Variants in TGM5 observed in about 807,000 individuals in gnomAD.
TGM5 encodes the protein transglutaminase 5.
A neutral mutation model predicts 77.2 loss-of-function variants in TGM5; 69 were observed. The ratio of observed to expected loss-of-function variants is 0.89; its 90% confidence interval spans 0.74 to 1.09. The LOEUF (loss-of-function observed/expected upper bound fraction) is 1.09, where lower values mean the gene tolerates loss of function less well. Among genes scored for constraint, TGM5 ranks in the 50% least tolerant of loss-of-function variants. The pLI is 0.00. For synonymous variants in TGM5, 346 were observed against 351.8 expected (o/e 0.98, Z 0.18); for missense variants, 842 against 896.5 (o/e 0.94, Z 0.78).
In TGM5 at chr15:43,232,627, G is replaced by A. The variant is rs2042553810; in HGVS notation, c.*564C>T. The A allele has an allele frequency of 6.3e-6, 1 of 159,916 alleles. No homozygotes were observed. Among genetic ancestry groups the A allele is most frequent in the Admixed American group, 5.8e-5 (1 of 17,182 alleles). 9.9% of individuals were successfully genotyped at this position (159,916 alleles called of 1,614,324 possible). A position where few individuals can be genotyped will look rare whatever the true frequency, so the allele number is the denominator to read the frequency against. On this transcript the variant is annotated 3_prime_UTR_variant, in exon 13 of 13. Transcript: ENST00000220420. ...AGGTCTGAAGTTTATTCATACTAGG[G>A]AATTAGCTTTCGCAACAACAAAACA...
At chr15:43,261,254 TA>T (rs1432919489) in intron 1 of TGM5, among the ~76,000 whole-genome samples, 1 of 151,902 alleles carries the variant, frequency 6.6e-6, no homozygotes, top group Non-Finnish European at 1.5e-5. Context: ...CATGCCTGGC[TA>T]ATTTTTTGTA....
chr15:43,260,125 G>A lies in TGM5; in HGVS notation c.363C>T (p.Ile121=), dbSNP rs2042773610. Residue 121 remains isoleucine, a synonymous_variant, in exon 3 of 13, where the codon ATC becomes ATT. Transcript: ENST00000220420. Reference sequence around the variant, plus strand: ...CCGTCACAGACCCCTGGAAGGAGTCGATGTGGATTTTCAAGAGGTACCGAC... The same window carrying A: ...CCGTCACAGACCCCTGGAAGGAGTCAATGTGGATTTTCAAGAGGTACCGAC... ...AVGRYLLKIH[I]DSFQGSVTAY... 6.2e-7 allele frequency: 1 copy of A among 1,614,170 alleles called. No individual in the cohort carries two copies. The highest frequency in any genetic ancestry group is 8.5e-7 in the Non-Finnish European group (1 of 1,180,034).
At chr15:43,262,383 G>A (rs1188974789) in intron 1 of TGM5, among the ~76,000 whole-genome samples, 1 of 152,178 alleles carries the variant, frequency 6.6e-6, no homozygotes, top group African/African-American at 2.4e-5. Context: ...TAAGTACAGA[G>A]ACCTAGCTGC....
chr15:43,239,535 C>T lies in TGM5; in HGVS notation c.1002-269G>A. The T allele has an allele frequency of 2.8e-5, 14 of 505,452 alleles. 1 individual carries two copies. In the South Asian group the frequency reaches 2.9e-4, roughly 11 times the overall value. 31.3% of individuals were successfully genotyped at this position (505,452 alleles called of 1,614,324 possible). On this transcript the variant is annotated intron_variant, in intron 7 of 12. Coordinates refer to ENST00000220420, the MANE Select transcript of TGM5 (RefSeq NM_201631.4). Reference sequence around the variant, plus strand: ...CGTCTCAAAAAAAAAAAAAAATTAACTAGGCATCATGGCACATGCCTATAG... The same window carrying T: ...CGTCTCAAAAAAAAAAAAAAATTAATTAGGCATCATGGCACATGCCTATAG...
intron 7 of TGM5, chr15:43,239,812 C>G (rs995806570): frequency 3.5e-5 from 6 of 172,884 alleles, no homozygotes; most frequent in African/African-American, 1.4e-4. Flanking sequence ...AAATCCTTCA[C>G]TGTCTCATGA....
chr15:43,256,254 C>T (rs185307790), intron 4 of TGM5, among the ~76,000 whole-genome samples: 52 of 152,294 alleles, frequency 3.4e-4, no homozygotes, highest in African/African-American at 1.2e-3. Flanking sequence ...ACCAAAATGC[C>T]GGGCATCATC....
Position 43,233,235 on chromosome 15 carries a change from C to T in TGM5, c.2119G>A (p.Asp707Asn), listed in dbSNP as rs1404459108. 2.5e-6 allele frequency: 4 copies of T among 1,614,038 alleles called. No homozygotes were observed. The East Asian group carries it at 6.7e-5, about 27-fold the overall frequency. ...TAAACATTCCTGTAACCCTTAATGT[C>T]CTTAAACTTGTTGCTTCTCATATTA... ...QANMRSNKFK[D>N]IKGYRNVYVD... The change falls in exon 13 of 13, where the codon GAC (aspartate) becomes AAC (asparagine). Residue 707 changes from aspartate (D) to asparagine (N), a missense_variant. Asp to Asn is a conservative substitution (Grantham distance 23). Coordinates refer to ENST00000220420, the MANE Select transcript of TGM5 (RefSeq NM_201631.4).
chr15:43,260,139 A>G lies in TGM5; in HGVS notation c.349T>C (p.Leu117=), dbSNP rs1382164225. The G allele has an allele frequency of 3.7e-6, 6 of 1,614,170 alleles. No homozygotes were observed. In the East Asian group the frequency reaches 1.1e-4, roughly 30 times the overall value. The change falls in exon 3 of 13, where the codon TTG becomes CTG. Residue 117 remains leucine (L), a synonymous_variant. Transcript: ENST00000220420. ...TGGAAGGAGTCGATGTGGATTTTCA[A>G]GAGGTACCGACCCACGGCCGCCGTG... ...PPTAAVGRYL[L]KIHIDSFQGS...
At chr15:43,246,300 T>G (rs900762058) in intron 6 of TGM5, among the ~76,000 whole-genome samples, 1 of 152,148 alleles carries the variant, frequency 6.6e-6, no homozygotes, top group Non-Finnish European at 1.5e-5. Context: ...GGTTCCTAAT[T>G]AGATCCTGAT....
intron 10 of TGM5, among the ~76,000 whole-genome samples, chr15:43,235,190 C>T (rs1033320610): frequency 1.3e-5 from 2 of 151,406 alleles, no homozygotes; most frequent in Non-Finnish European, 2.9e-5. Flanking sequence ...TCTGCAAAAC[C>T]AGCTACTTTT....
At chr15:43,251,851 T>C (rs1484409695) in intron 6 of TGM5, among the ~76,000 whole-genome samples, 1 of 152,242 alleles carries the variant, frequency 6.6e-6, no homozygotes, top group East Asian at 1.9e-4. Context: ...ATGTATTTTT[T>C]AGTTTTTCCT....
Position 43,253,612 on chromosome 15 carries a change from A to T in TGM5, c.578T>A (p.Ile193Asn). The change falls in exon 5 of 13, where the codon ATC becomes AAC. Residue 193 changes from isoleucine (I) to asparagine (N), a missense_variant. Physicochemically the swap from Ile to Asn is moderately radical, Grantham distance 149. Around this residue, in one of 2 missense-constraint regions of TGM5, gnomAD observed 815 missense variants for 844.6 expected, o/e 0.96. Coordinates refer to ENST00000220420, the MANE Select transcript of TGM5 (RefSeq NM_201631.4). The stretch of plus-strand genomic sequence containing the variant: ...GCTCTTGTCTAGCAGCTTCAGGCAG[A>T]TGTCTATGATTTTGTCTTCAAACTT... ...YGQFEDKIIDICLKLLDKSLH... is the reference protein window; with the variant it reads ...YGQFEDKIIDNCLKLLDKSLH... The T allele has an allele frequency of 6.2e-7, 1 of 1,613,624 alleles. No homozygotes were observed. Among genetic ancestry groups the T allele is most frequent in the Non-Finnish European group, 8.5e-7 (1 of 1,180,016 alleles).
intron 3 of TGM5, 22 bp downstream of exon 3, chr15:43,260,030 C>T (rs1361146188): frequency 6.2e-7 from 1 of 1,612,516 alleles, no homozygotes; most frequent in Admixed American, 1.7e-5. Flanking sequence ...AAGGAGGGCA[C>T]CGCCTGGGCA....
At chr15:43,252,718 T>C (rs748683075) in intron 6 of TGM5, 41 bp downstream of exon 6, 1 of 1,610,160 alleles carries the variant, frequency 6.2e-7, no homozygotes, top group Non-Finnish European at 8.5e-7. Context: ...CATGAGCGGC[T>C]ATACTTCTGA....
intron 6 of TGM5, chr15:43,247,664 A>T (rs2042677942): frequency 6.6e-6 from 1 of 152,056 alleles, no homozygotes; most frequent in Admixed American, 6.6e-5. Context: ...TGGAACTTCT[A>T]AAGATGAAAA....
intron 1 of TGM5, among the ~76,000 whole-genome samples, chr15:43,266,566 C>T (rs1487437732): frequency 6.6e-6 from 1 of 152,152 alleles, no homozygotes; most frequent in East Asian, 1.9e-4. Context: ...AACCCTGACC[C>T]CCTCATCTCT....
rs536124224 is a variant in TGM5, at chr15:43,253,622, T to C, written c.568A>G (p.Ile190Val). ...PWNYGQFEDK[I>V]IDICLKLLDK... Reference sequence around the variant, plus strand: ...AGCAGCTTCAGGCAGATGTCTATGATTTTGTCTTCAAACTTCGGGGGGAGA... The same window carrying C: ...AGCAGCTTCAGGCAGATGTCTATGACTTTGTCTTCAAACTTCGGGGGGAGA... Residue 190 changes from isoleucine to valine, a missense_variant, in exon 5 of 13, where the codon ATC (isoleucine) becomes GTC (valine). Around this residue, in one of 2 missense-constraint regions of TGM5, gnomAD observed 815 missense variants for 844.6 expected, o/e 0.96. Coordinates refer to ENST00000220420, the MANE Select transcript of TGM5 (RefSeq NM_201631.4). The C allele has an allele frequency of 5.0e-6, 8 of 1,613,270 alleles. No homozygotes were observed. Among genetic ancestry groups the C allele is most frequent in the Non-Finnish European group, 6.8e-6 (8 of 1,180,026 alleles).
intron 1 of TGM5, among the ~76,000 whole-genome samples, chr15:43,264,824 C>T (rs768663018): frequency 1.3e-5 from 2 of 152,074 alleles, no homozygotes; most frequent in Non-Finnish European, 2.9e-5. Flanking sequence ...ATTGACTGTG[C>T]CAAAATACCC....
intron 1 of TGM5, among the ~76,000 whole-genome samples, chr15:43,264,560 T>C (rs2042812354): frequency 6.6e-6 from 1 of 152,124 alleles, no homozygotes; most frequent in Non-Finnish European, 1.5e-5. Flanking sequence ...ATGTCCAGAA[T>C]AGGCAAATTC....
Sources: allele counts gnomAD v4.1 joint callset (sites outside exome capture counted in the v4.1 genomes callset), GRCh38; gene constraint gnomAD v4.1.1; regional missense constraint gnomAD v4.1.1; transcripts MANE v1.5; gene names NCBI Gene and HGNC (gene_info 2026-07-23, HGNC 2026-07-21).